The following PTPRA variants were observed in gnomAD, a reference collection of about 807,000 sequenced individuals.
The protein encoded by PTPRA is protein tyrosine phosphatase receptor type A, also known as receptor-type tyrosine-protein phosphatase alpha.
In PTPRA, 25 loss-of-function variants were observed where a neutral mutation model predicts 104.8. The ratio of observed to expected loss-of-function variants is 0.24; its 90% confidence interval spans 0.17 to 0.33. The LOEUF (loss-of-function observed/expected upper bound fraction) is 0.33. PTPRA is among the 10% of genes least tolerant of loss of function. The pLI is 1.00. For synonymous variants in PTPRA, 323 were observed against 368.9 expected, an observed-to-expected ratio of 0.88 and a Z score of 1.43; for missense variants, 765 against 1,015.3, an observed-to-expected ratio of 0.75 and a Z score of 3.35.
chr20:3,010,838 G>C (rs949704843), intron 11 of PTPRA, among the ~76,000 whole-genome samples: 5 of 152,168 alleles, frequency 3.3e-5, no homozygotes, highest in African/African-American at 1.2e-4. Flanking sequence ...GAATGATCAT[G>C]ATTTACCCCT....
chr20:2,957,071 G>T (rs190559462), intron 3 of PTPRA, among the ~76,000 whole-genome samples: 3 of 152,170 alleles, frequency 2.0e-5, no homozygotes, highest in Non-Finnish European at 4.4e-5. Flanking sequence ...AGATCACGGG[G>T]TCAGGAGATC....
chr20:2,921,321 G>A (rs921206446), intron 1 of PTPRA, among the ~76,000 whole-genome samples: 3 of 121,130 alleles, frequency 2.5e-5, no homozygotes, highest in East Asian at 2.9e-4. Context: ...CTGGGAATGC[G>A]CTTTTTTTTT....
intron 5 of PTPRA, among the ~76,000 whole-genome samples, chr20:2,974,337 C>T (rs1377298362): frequency 1.3e-5 from 2 of 151,960 alleles, no homozygotes; most frequent in East Asian, 3.9e-4. Flanking sequence ...GCAACCTCTA[C>T]CCTCCCAGGT....
At chr20:3,016,362 A>T (rs1486852392) in intron 12 of PTPRA, among the ~76,000 whole-genome samples, 1 of 152,178 alleles carries the variant, frequency 6.6e-6, no homozygotes, top group Non-Finnish European at 1.5e-5. Flanking sequence ...CATGTCCTTT[A>T]TGTGTTCTAC....
At position 2,948,824 on chromosome 20, in the gene PTPRA, C is replaced by T. The variant is rs981222267; in HGVS notation, c.-7+800C>T. On this transcript the variant is annotated intron_variant, in intron 3 of 23. Transcript: ENST00000399903. ...AAAATTAGCTGGGCGTGGTGGCGGGCACCTGTAGTCCCAGCTGCTGGGGAG... is the reference window on the plus strand; with the variant it reads ...AAAATTAGCTGGGCGTGGTGGCGGGTACCTGTAGTCCCAGCTGCTGGGGAG... Among the ~76,000 whole-genome samples the T allele has an allele frequency of 3.6e-4, 54 of 152,038 alleles. 1 individual carries two copies. The highest frequency in any genetic ancestry group is 4.9e-4 in the Non-Finnish European group (33 of 67,998).
intron 9 of PTPRA, among the ~76,000 whole-genome samples, chr20:3,003,591 C>G (rs1484558887): frequency 1.3e-5 from 2 of 151,938 alleles, no homozygotes; most frequent in East Asian, 1.9e-4. Flanking sequence ...GTCACTCAGG[C>G]TGGAGTGCAG....
intron 9 of PTPRA, among the ~76,000 whole-genome samples, chr20:2,989,756 G>A (rs141761763): frequency 0.011 from 1,633 of 152,284 alleles, 32 homozygotes; most frequent in South Asian, 0.03. Context: ...GGTGGCTCAC[G>A]CCTGTAATCC....
At chr20:2,922,497 G>A (rs929839123) in intron 1 of PTPRA, among the ~76,000 whole-genome samples, 1 of 151,970 alleles carries the variant, frequency 6.6e-6, no homozygotes, top group Non-Finnish European at 1.5e-5. Flanking sequence ...CCACCACCGT[G>A]CCTGGCTAAT....
intron 18 of PTPRA, 104 bp from the exon 19 acceptor site, chr20:3,027,016 GC>G (rs2065178629): frequency 2.4e-6 from 3 of 1,263,026 alleles, no homozygotes; most frequent in Non-Finnish European, 2.3e-6. Context: ...ACATGTCCTT[GC>G]CCAGCTGGGA....
intron 1 of PTPRA, among the ~76,000 whole-genome samples, chr20:2,921,465 T>G (rs1055516185): frequency 6.6e-6 from 1 of 151,944 alleles, no homozygotes; most frequent in African/African-American, 2.4e-5. Context: ...AAGTCTTACT[T>G]TAATATTTTC....
chr20:2,999,200 G>C lies in PTPRA; in HGVS notation c.739-5856G>C, dbSNP rs115458087. Among the ~76,000 whole-genome samples, 740 of 152,204 alleles carry C rather than the reference G, an allele frequency of 4.9e-3. 5 individuals carry two copies. Among genetic ancestry groups the C allele is most frequent in the African/African-American group, 0.017 (686 of 41,548 alleles). On this transcript the variant is annotated intron_variant, in intron 9 of 23. Coordinates refer to ENST00000399903, the MANE Select transcript of PTPRA (RefSeq NM_001385305.1). ...AGAGAAAATTATTAAAATGTTTGAA[G>C]ACATTAAAGGAAAATAGCTTAAATT...
In PTPRA at chr20:2,898,157, C is replaced by T. The variant is rs369006351; in HGVS notation, c.-129+24397C>T. ...CGTCGCCCAGGCTGGAGTGCAGTGGCGCGATCTCGGCTCACTGCAAGCTCC... is the reference window on the plus strand; with the variant it reads ...CGTCGCCCAGGCTGGAGTGCAGTGGTGCGATCTCGGCTCACTGCAAGCTCC... On this transcript the variant is annotated intron_variant, in intron 1 of 23. Coordinates refer to ENST00000399903, the MANE Select transcript of PTPRA (RefSeq NM_001385305.1). Among the ~76,000 whole-genome samples the T allele has an allele frequency of 1.4e-4, 22 of 151,982 alleles. 1 individual carries two copies. Among genetic ancestry groups the T allele is most frequent in the East Asian group, 3.9e-4 (2 of 5,144 alleles).
intron 1 of PTPRA, among the ~76,000 whole-genome samples, chr20:2,913,179 C>G (rs1373059710): frequency 6.6e-6 from 1 of 151,922 alleles, no homozygotes; most frequent in African/African-American, 2.4e-5. Flanking sequence ...AGTTTGAGAC[C>G]AGCTTGGCCA....
At chr20:3,036,430 G>T (rs973894277) in intron 22 of PTPRA, among the ~76,000 whole-genome samples, 4 of 152,228 alleles carry the variant, frequency 2.6e-5, no homozygotes, top group African/African-American at 9.7e-5. Context: ...GTTCTGAGGG[G>T]TCCCTGGCCA....
chr20:3,010,499 G>C (rs974469037), intron 11 of PTPRA, among the ~76,000 whole-genome samples: 1 of 152,050 alleles, frequency 6.6e-6, no homozygotes, highest in African/African-American at 2.4e-5. Context: ...GTGGTGGCGG[G>C]CACCTGTAGT....
At chr20:2,869,298 T>G (rs2089400244), upstream of PTPRA, among the ~76,000 whole-genome samples, 1 of 152,046 alleles carries the variant, frequency 6.6e-6, no homozygotes, top group African/African-American at 2.4e-5. Flanking sequence ...AGTATGCATT[T>G]CAATAACTAG....
At chr20:2,903,269 C>T (rs545751713) in intron 1 of PTPRA, among the ~76,000 whole-genome samples, 2 of 152,290 alleles carry the variant, frequency 1.3e-5, no homozygotes, top group Non-Finnish European at 2.9e-5. Context: ...ATAAGGGATA[C>T]TCAACCTGTA....
intron 2 of PTPRA, among the ~76,000 whole-genome samples, chr20:2,943,109 A>G (rs1315090213): frequency 6.6e-6 from 1 of 151,744 alleles, no homozygotes; most frequent in Non-Finnish European, 1.5e-5. Context: ...CCTACAGATT[A>G]CAACACATAG....
intron 3 of PTPRA, among the ~76,000 whole-genome samples, chr20:2,953,294 AC>A (rs2061413151): frequency 6.6e-6 from 1 of 151,460 alleles, no homozygotes; most frequent in Non-Finnish European, 1.5e-5. Flanking sequence ...TCACTCTGTC[AC>A]CCAGGCTGAA....
Sources: gnomAD v4.1 joint callset for allele counts (sites outside exome capture counted in the v4.1 genomes callset) on GRCh38, gnomAD v4.1.1 for gene constraint, MANE v1.5 for transcripts, NCBI Gene and HGNC (gene_info 2026-07-23, HGNC 2026-07-21) for gene names.